Variants in NCOA1 observed in about 807,000 individuals in gnomAD.
NCOA1 encodes the protein Hin-2 protein.
Under a neutral mutation model 150.9 loss-of-function variants are expected in NCOA1, and 35 were observed. The observed-to-expected ratio is 0.23, with a 90% CI of 0.18 to 0.31. NCOA1 has a LOEUF of 0.31. Ranked by LOEUF, NCOA1 falls within the 10% of genes least tolerant of loss-of-function variation. The probability of loss-of-function intolerance (pLI) is 1.00; values close to 1 mark genes in which losing one functional copy is unlikely to be tolerated. For synonymous variants in NCOA1, 590 were observed against 630.0 expected (o/e 0.94, Z 0.95); for missense variants, 1,491 against 1,749.3 (o/e 0.85, Z 2.63).
At position 24,602,986 on chromosome 2, in the gene NCOA1, T is replaced by C. The variant is rs77048104; in HGVS notation, c.-175+18426T>C. Among the ~76,000 whole-genome samples, 762 of 152,304 alleles carry C rather than the reference T, an allele frequency of 5.0e-3. 31 individuals are homozygous for C. In the East Asian group the frequency reaches 0.097, roughly 19 times the overall value. On this transcript the variant is annotated intron_variant, in intron 3 of 22. Transcript: ENST00000348332. Reference sequence around the variant, plus strand: ...TATCTATTCCTAAATTATCTATTGATCCACTTATTTTATCAAACTTTTTAA... The same window carrying C: ...TATCTATTCCTAAATTATCTATTGACCCACTTATTTTATCAAACTTTTTAA...
rs917494976 is a variant in NCOA1, at chr2:24,711,330, G to A, written c.2599+219G>A. The A allele has an allele frequency of 7.4e-5, 30 of 404,524 alleles. No individual in the cohort carries two copies. In the East Asian group the frequency reaches 7.8e-4, roughly 10 times the overall value. 25.1% of individuals were successfully genotyped at this position (404,524 alleles called of 1,614,324 possible). ...CTATCCTTTTGTAATTAATGTTAAG[G>A]TGAGCAATTGATGTTAAGGAGAACA... On this transcript the variant is annotated intron_variant, in intron 14 of 22. Coordinates refer to ENST00000348332, the MANE Select transcript of NCOA1 (RefSeq NM_003743.5).
intron 1 of NCOA1, among the ~76,000 whole-genome samples, chr2:24,525,987 C>G (rs890612964): frequency 6.6e-6 from 1 of 152,144 alleles, no homozygotes. Flanking sequence ...TACTTGATGA[C>G]TGCTTTGATG....
At chr2:24,516,254 A>G (rs1252920655) in intron 1 of NCOA1, among the ~76,000 whole-genome samples, 10 of 128,822 alleles carry the variant, frequency 7.8e-5, no homozygotes. Flanking sequence ...GTGCAGTGGC[A>G]CGATCTCGGC....
At chr2:24,714,562 T>A (rs1356999152) in intron 14 of NCOA1, among the ~76,000 whole-genome samples, 1 of 151,816 alleles carries the variant, frequency 6.6e-6, no homozygotes, top group East Asian at 1.9e-4. Context: ...ATGAAAAATT[T>A]GTTGGAGGAG....
At chr2:24,750,341 A>G (rs1664152096) in intron 19 of NCOA1, among the ~76,000 whole-genome samples, 1 of 152,232 alleles carries the variant, frequency 6.6e-6, no homozygotes, top group African/African-American at 2.4e-5. Context: ...CCTAATTTCA[A>G]AAATTACCAT....
intron 5 of NCOA1, among the ~76,000 whole-genome samples, chr2:24,662,515 T>G (rs2148499264): frequency 6.6e-6 from 1 of 152,336 alleles, no homozygotes; most frequent in Middle Eastern, 3.4e-3. Context: ...ATTCTGCTTC[T>G]TAAATTTCTG....
At chr2:24,514,039 A>G (rs997464286) in intron 1 of NCOA1, among the ~76,000 whole-genome samples, 2 of 152,188 alleles carry the variant, frequency 1.3e-5, no homozygotes, top group Non-Finnish European at 2.9e-5. Context: ...CTGTAATCTC[A>G]GCACTTTGGG....
intron 14 of NCOA1, among the ~76,000 whole-genome samples, chr2:24,719,727 G>C (rs1319505908): frequency 6.6e-6 from 1 of 152,128 alleles, no homozygotes; most frequent in Non-Finnish European, 1.5e-5. Flanking sequence ...CAAGATTAGG[G>C]AACAACCAGT....
intron 1 of NCOA1, among the ~76,000 whole-genome samples, chr2:24,533,670 T>C (rs960612319): frequency 1.3e-5 from 2 of 152,212 alleles, no homozygotes; most frequent in Non-Finnish European, 2.9e-5. Flanking sequence ...CTGTTGAATT[T>C]TGTTGAAGGC....
At chr2:24,743,811 A>G (rs1448782613) in intron 19 of NCOA1, among the ~76,000 whole-genome samples, 1 of 152,262 alleles carries the variant, frequency 6.6e-6, no homozygotes, top group African/African-American at 2.4e-5. Context: ...CAAAAGATTT[A>G]TCTCATGCAT....
intron 1 of NCOA1, among the ~76,000 whole-genome samples, chr2:24,515,313 A>G (rs978944239): frequency 6.6e-6 from 1 of 151,846 alleles, no homozygotes; most frequent in Non-Finnish European, 1.5e-5. Context: ...GCTCACTGCA[A>G]CCTCCGCCTA....
chr2:24,733,287 C>G (rs1192860186), intron 17 of NCOA1, among the ~76,000 whole-genome samples: 5 of 152,068 alleles, frequency 3.3e-5, no homozygotes, highest in Non-Finnish European at 4.4e-5. Flanking sequence ...TATTAAATAA[C>G]AGGTTGTATT....
chr2:24,733,980 T>A (rs1249654827), intron 17 of NCOA1, among the ~76,000 whole-genome samples: 6 of 151,446 alleles, frequency 4.0e-5, no homozygotes, highest in African/African-American at 1.2e-4. Context: ...AGGTCAAGAG[T>A]TCGAGACCAG....
At chr2:24,529,111 T>C (rs62140852) in intron 1 of NCOA1, among the ~76,000 whole-genome samples, 36,519 of 152,042 alleles carry the variant, frequency 0.24, 4,614 homozygotes, top group East Asian at 0.31. Context: ...TGGTCTTAAT[T>C]TCCTGACCTC....
At chr2:24,598,762 TTTTTAA>T (rs1667986034) in intron 3 of NCOA1, among the ~76,000 whole-genome samples, 1 of 152,142 alleles carries the variant, frequency 6.6e-6, no homozygotes, top group Non-Finnish European at 1.5e-5. Context: ...ATTTTTCTTT[TTTTTAA>T]TTTTAAGACA....
intron 1 of NCOA1, among the ~76,000 whole-genome samples, chr2:24,509,874 T>C (rs1186482805): frequency 6.6e-6 from 1 of 152,188 alleles, no homozygotes; most frequent in Non-Finnish European, 1.5e-5. Flanking sequence ...AGCTGGGTAG[T>C]GGGTATATAA....
chr2:24,580,408 C>T (rs1396093628), intron 2 of NCOA1, among the ~76,000 whole-genome samples: 1 of 152,084 alleles, frequency 6.6e-6, no homozygotes, highest in South Asian at 2.1e-4. Flanking sequence ...CTTTTGTTAG[C>T]GTTAGATCTT....
At chr2:24,711,656 C>T (rs1056173954) in intron 14 of NCOA1, among the ~76,000 whole-genome samples, 12 of 152,178 alleles carry the variant, frequency 7.9e-5, no homozygotes, top group Admixed American at 2.6e-4. Context: ...ACATGTTATA[C>T]CACAGAATGA....
At chr2:24,496,539 G>A (rs1663222624) in intron 1 of NCOA1, among the ~76,000 whole-genome samples, 1 of 152,080 alleles carries the variant, frequency 6.6e-6, no homozygotes. Flanking sequence ...CACTCCCTTA[G>A]CATTAGGTAC....
Sources: gnomAD v4.1 joint callset for allele counts (sites outside exome capture counted in the v4.1 genomes callset) on GRCh38, gnomAD v4.1.1 for gene constraint, MANE v1.5 for transcripts, NCBI Gene and HGNC (gene_info 2026-07-23, HGNC 2026-07-21) for gene names.